PAK5: variants seen among roughly 807,000 people sequenced by gnomAD.
PAK5 encodes the protein p21 (RAC1) activated kinase 5.
In PAK5, 16 loss-of-function variants were observed where a neutral mutation model predicts 65.9. The observed-to-expected ratio is 0.24, with a 90% confidence interval of 0.16 to 0.37. PAK5 has a LOEUF of 0.37. Ranked by LOEUF, PAK5 falls within the 10% of genes least tolerant of loss-of-function variation. PAK5 has a pLI of 1.00. For synonymous variants in PAK5, 371 were observed against 354.9 expected (o/e 1.05, Z -0.51); for missense variants, 785 against 903.9 (o/e 0.87, Z 1.69).
chr20:9,785,215 T>C (rs185904556), intron 1 of PAK5, among the ~76,000 whole-genome samples: 25 of 152,296 alleles, frequency 1.6e-4, no homozygotes, highest in Admixed American at 5.9e-4. Flanking sequence ...ATTTATTCCA[T>C]AGTTATCATG....
intron 1 of PAK5, among the ~76,000 whole-genome samples, chr20:9,753,957 G>A (rs970058676): frequency 6.6e-5 from 10 of 152,118 alleles, no homozygotes; most frequent in Non-Finnish European, 1.3e-4. Flanking sequence ...GCTTTCTCCA[G>A]AGAGCATTCC....
intron 1 of PAK5, among the ~76,000 whole-genome samples, chr20:9,833,286 A>G (rs1216844408): frequency 6.6e-6 from 1 of 152,148 alleles, no homozygotes; most frequent in Non-Finnish European, 1.5e-5. Context: ...ATCTGTTTCC[A>G]GGCTCTTCTA....
chr20:9,596,137 G>A (rs1316675114), intron 3 of PAK5, among the ~76,000 whole-genome samples: 2 of 152,114 alleles, frequency 1.3e-5, no homozygotes, highest in East Asian at 3.9e-4. Context: ...GACCACTTCT[G>A]GTCTTTAATT....
chr20:9,752,426 T>A (rs772038919), intron 1 of PAK5, among the ~76,000 whole-genome samples: 3 of 152,058 alleles, frequency 2.0e-5, no homozygotes, highest in Non-Finnish European at 4.4e-5. Context: ...GGATTAGGGA[T>A]GGCCAAGAGT....
chr20:9,580,272 G>T lies in PAK5; in HGVS notation c.863C>A (p.Ser288Ter). 6.2e-7 allele frequency: 1 copy of T among 1,614,178 alleles called. No individual in the cohort carries two copies. Among genetic ancestry groups the T allele is most frequent in the Non-Finnish European group, 8.5e-7 (1 of 1,180,030 alleles). ...CATCGGTTCCTGGAGTCCCGAGCCT[G>T]ACCTGGACCTCTGCCGCATGGTGGG... ...PQPTMRQRSR[S>*]GSGLQEPMMP... The change falls in exon 4 of 10, where the codon TCA (serine) becomes TAA (stop). Residue 288 changes from serine to a stop codon, truncating the protein, a stop_gained. Transcript: ENST00000353224. LOFTEE classifies it high-confidence loss of function.
At chr20:9,641,080 T>C (rs534865302) in intron 3 of PAK5, among the ~76,000 whole-genome samples, 41 of 152,276 alleles carry the variant, frequency 2.7e-4, no homozygotes, top group African/African-American at 9.9e-4. Context: ...GGGTGCTGAT[T>C]GGTGCGTTTA....
At chr20:9,751,869 T>C (rs973612945) in intron 1 of PAK5, among the ~76,000 whole-genome samples, 9 of 152,170 alleles carry the variant, frequency 5.9e-5, no homozygotes, top group Non-Finnish European at 1.2e-4. Flanking sequence ...AAAAAATTCA[T>C]GTAGGGAGTC....
At chr20:9,755,639 T>A (rs929551629) in intron 1 of PAK5, among the ~76,000 whole-genome samples, 8 of 152,306 alleles carry the variant, frequency 5.3e-5, no homozygotes, top group African/African-American at 1.9e-4. Flanking sequence ...GCAGTGTGTG[T>A]ACACAACCCT....
chr20:9,677,141 T>A (rs1434786205), intron 2 of PAK5, among the ~76,000 whole-genome samples: 1 of 152,038 alleles, frequency 6.6e-6, no homozygotes, highest in Non-Finnish European at 1.5e-5. Context: ...ATGTCTTTTT[T>A]AAAAATTTAA....
intron 1 of PAK5, among the ~76,000 whole-genome samples, chr20:9,738,130 A>G (rs1490404461): frequency 6.6e-6 from 1 of 152,108 alleles, no homozygotes; most frequent in Admixed American, 6.6e-5. Flanking sequence ...ACAGAGAGTG[A>G]GACTCGGTCT....
intron 2 of PAK5, among the ~76,000 whole-genome samples, chr20:9,703,019 CTTAG>C (rs1312552644): frequency 1.3e-5 from 2 of 152,160 alleles, no homozygotes; most frequent in African/African-American, 4.8e-5. Context: ...TCTGGGCCTT[CTTAG>C]TTAGAAATAG....
intron 3 of PAK5, among the ~76,000 whole-genome samples, chr20:9,611,450 TTA>T (rs373816242): frequency 2.0e-4 from 30 of 152,296 alleles, no homozygotes; most frequent in African/African-American, 6.5e-4. Flanking sequence ...ACCCTATCTT[TTA>T]TATGTTTCCC....
chr20:9,766,092 C>T (rs62192889), intron 1 of PAK5, among the ~76,000 whole-genome samples: 66,051 of 151,230 alleles, frequency 0.44, 14,889 homozygotes, highest in East Asian at 0.79. Flanking sequence ...TGTGGTGGTG[C>T]GAGCACGTAG....
chr20:9,565,783 T>C, intron 5 of PAK5, 110 bp downstream of exon 5: 1 of 1,155,352 alleles, frequency 8.7e-7, no homozygotes, highest in Non-Finnish European at 1.2e-6. Flanking sequence ...ATTTTTGTCT[T>C]TATATTTTCA....
intron 2 of PAK5, among the ~76,000 whole-genome samples, chr20:9,649,421 T>C (rs1484184958): frequency 6.6e-6 from 1 of 152,214 alleles, no homozygotes. Context: ...TATGTTCTTC[T>C]ATGAAATATA....
At chr20:9,763,113 G>A (rs2048718467) in intron 1 of PAK5, among the ~76,000 whole-genome samples, 2 of 152,060 alleles carry the variant, frequency 1.3e-5, no homozygotes, top group Non-Finnish European at 2.9e-5. Flanking sequence ...GGGGCTGAGG[G>A]GAAGGGGAAA....
chr20:9,719,834 A>G (rs1216342976), intron 1 of PAK5, among the ~76,000 whole-genome samples: 2 of 152,194 alleles, frequency 1.3e-5, no homozygotes, highest in Admixed American at 6.5e-5. Flanking sequence ...ATTAAATACA[A>G]TGATGTATGT....
At chr20:9,613,014 T>C (rs963522521) in intron 3 of PAK5, among the ~76,000 whole-genome samples, 19 of 152,158 alleles carry the variant, frequency 1.2e-4, no homozygotes, top group African/African-American at 3.4e-4. Context: ...AAAGAGCTAA[T>C]ATTTTAGGTT....
chr20:9,708,130 G>A (rs2123479717), intron 2 of PAK5, among the ~76,000 whole-genome samples: 1 of 152,220 alleles, frequency 6.6e-6, no homozygotes, highest in Non-Finnish European at 1.5e-5. Context: ...TTGTATCTCA[G>A]AATCTAAATA....
Sources: allele counts gnomAD v4.1 joint callset (sites outside exome capture counted in the v4.1 genomes callset), GRCh38; gene constraint gnomAD v4.1.1; transcripts MANE v1.5; gene names NCBI Gene and HGNC (gene_info 2026-07-23, HGNC 2026-07-21).